CTBP2: variants seen among roughly 807,000 people sequenced by gnomAD.
CTBP2 encodes C-terminal binding protein 2.
Under a neutral mutation model 80.3 loss-of-function variants are expected in CTBP2, and 30 were observed. The observed-to-expected ratio is 0.37, with a 90% CI of 0.28 to 0.51. CTBP2 has a LOEUF of 0.51. Among genes scored for constraint, CTBP2 ranks in the 20% least tolerant of loss-of-function variants. The probability of loss-of-function intolerance (pLI) is 0.93; values close to 1 mark genes in which losing one functional copy is unlikely to be tolerated. For missense variants in CTBP2, 1,212 were observed against 1,375.3 expected (o/e 0.88, Z 1.88); for synonymous variants, 594 against 587.4 (o/e 1.01, Z -0.16).
intron 8 of CTBP2, among the ~76,000 whole-genome samples, chr10:124,991,898 G>GGTGT (rs1952682641): frequency 6.9e-6 from 1 of 144,884 alleles, no homozygotes; most frequent in Non-Finnish European, 1.5e-5. Context: ...AATAATGGGG[G>GGTGT]GGGGGGTGTG....
intron 2 of CTBP2, among the ~76,000 whole-genome samples, chr10:125,083,059 G>A (rs1444937679): frequency 2.0e-5 from 3 of 152,178 alleles, no homozygotes; most frequent in Non-Finnish European, 4.4e-5. Flanking sequence ...TCTCTGGGGG[G>A]TTGGTCCCCA....
chr10:125,015,348 T>C (rs375448716), intron 1 of CTBP2, among the ~76,000 whole-genome samples: 12 of 152,306 alleles, frequency 7.9e-5, no homozygotes, highest in African/African-American at 2.9e-4. Flanking sequence ...ATGGCCCAGA[T>C]GGAAAAGAAG....
At chr10:125,000,913 C>T (rs1056225978) in intron 3 of CTBP2, 6 of 152,262 alleles carry the variant, frequency 3.9e-5, no homozygotes, top group East Asian at 3.9e-4. Context: ...AGTCTACATT[C>T]GAAAAGTGCC....
At chr10:125,079,710 A>G (rs546333204) in intron 2 of CTBP2, among the ~76,000 whole-genome samples, 1 of 152,360 alleles carries the variant, frequency 6.6e-6, no homozygotes, top group African/African-American at 2.4e-5. Context: ...TTGACAATAG[A>G]AGACCAAAAT....
At chr10:125,084,160 G>A (rs889257705) in intron 2 of CTBP2, among the ~76,000 whole-genome samples, 2 of 151,902 alleles carry the variant, frequency 1.3e-5, no homozygotes, top group Non-Finnish European at 2.9e-5. Context: ...TATGTATGTT[G>A]CCCATGCTGG....
chr10:125,105,376 T>C (rs1851297894), intron 2 of CTBP2, among the ~76,000 whole-genome samples: 1 of 152,192 alleles, frequency 6.6e-6, no homozygotes, highest in Admixed American at 6.5e-5. Context: ...GGTCTCAAAC[T>C]CCTGGGCTCA....
chr10:125,089,231 T>C (rs933530444), intron 2 of CTBP2, among the ~76,000 whole-genome samples: 12 of 152,242 alleles, frequency 7.9e-5, no homozygotes, highest in African/African-American at 2.9e-4. Context: ...AGTTGCTTTT[T>C]TCATAAGTGT....
chr10:125,028,934 G>A (rs776654850), upstream of CTBP2, among the ~76,000 whole-genome samples: 5 of 152,150 alleles, frequency 3.3e-5, no homozygotes, highest in South Asian at 2.1e-4. Flanking sequence ...GGAGTGCCCC[G>A]AAGTATTAAG....
intron 2 of CTBP2, among the ~76,000 whole-genome samples, chr10:125,097,218 C>A (rs1477294616): frequency 6.6e-6 from 1 of 152,188 alleles, no homozygotes; most frequent in African/African-American, 2.4e-5. Context: ...ATAATCTGAT[C>A]CACACCTGAC....
At chr10:125,103,815 C>T (rs548320347) in intron 2 of CTBP2, among the ~76,000 whole-genome samples, 12 of 152,180 alleles carry the variant, frequency 7.9e-5, no homozygotes, top group Admixed American at 2.0e-4. Flanking sequence ...GGCGAGCTTC[C>T]CCCAGGAAAG....
intron 2 of CTBP2, among the ~76,000 whole-genome samples, chr10:125,054,882 T>C (rs536349050): frequency 6.6e-6 from 1 of 152,300 alleles, no homozygotes; most frequent in African/African-American, 2.4e-5. Context: ...GGGTAAACGC[T>C]ATTCTCCTCA....
chr10:125,075,546 C>T (rs1379305151), intron 2 of CTBP2, among the ~76,000 whole-genome samples: 2 of 152,090 alleles, frequency 1.3e-5, no homozygotes, highest in African/African-American at 4.8e-5. Flanking sequence ...AATTTCTATT[C>T]ATTATAAATT....
intron 1 of CTBP2, among the ~76,000 whole-genome samples, chr10:125,122,012 A>C (rs570582002): frequency 1.9e-3 from 293 of 152,346 alleles, no homozygotes; most frequent in African/African-American, 6.8e-3. Context: ...CCTGTGAACC[A>C]AGAGACCTTC....
intron 1 of CTBP2, among the ~76,000 whole-genome samples, chr10:125,019,016 T>A (rs1956794435): frequency 6.6e-6 from 1 of 152,232 alleles, no homozygotes; most frequent in South Asian, 2.1e-4. Context: ...TAGGTTGGAT[T>A]TTTTGCTCTC....
intron 2 of CTBP2, among the ~76,000 whole-genome samples, chr10:125,081,673 A>G (rs531616702): frequency 7.9e-4 from 118 of 149,262 alleles, no homozygotes; most frequent in South Asian, 5.7e-3. Flanking sequence ...AGTTAAAGGG[A>G]AAAAAAAAAT....
At chr10:125,119,447 T>C (rs1853938536) in intron 1 of CTBP2, among the ~76,000 whole-genome samples, 1 of 152,218 alleles carries the variant, frequency 6.6e-6, no homozygotes, top group South Asian at 2.1e-4. Context: ...CAGAGTAGGA[T>C]AAATTTTCTC....
intron 2 of CTBP2, among the ~76,000 whole-genome samples, chr10:125,050,837 T>C (rs1962554019): frequency 6.6e-6 from 1 of 151,470 alleles, no homozygotes. Flanking sequence ...TGGGGAGGAG[T>C]AGACAAGGCT....
Position 125,060,148 on chromosome 10 carries a change from C to T in CTBP2, c.-101-20993G>A, listed in dbSNP as rs114984068. Among the ~76,000 whole-genome samples, 524 of 152,244 alleles carry T rather than the reference C, an allele frequency of 3.4e-3. 7 individuals are homozygous for T. The highest frequency in any genetic ancestry group is 0.012 in the African/African-American group (503 of 41,530). ...TGGAGAATGTGAACATATGTGGCCA[C>T]GCAGCTGATGTACACAAGCATTCCC... On this transcript the variant is annotated intron_variant, in intron 2 of 10. Transcript: ENST00000337195.
chr10:125,115,838 T>C (rs1033115206), intron 1 of CTBP2, among the ~76,000 whole-genome samples: 3 of 152,070 alleles, frequency 2.0e-5, no homozygotes, highest in Non-Finnish European at 4.4e-5. Context: ...AAAAGAGGGA[T>C]TGCGTAAAGA....
Sources: allele counts gnomAD v4.1 joint callset (sites outside exome capture counted in the v4.1 genomes callset), GRCh38; gene constraint gnomAD v4.1.1; transcripts MANE v1.5; gene names NCBI Gene and HGNC (gene_info 2026-07-23, HGNC 2026-07-21).